The following TMEM163 variants were observed in gnomAD, a reference collection of about 807,000 sequenced individuals.
TMEM163 encodes the protein transmembrane protein 163.
In TMEM163, 17 loss-of-function variants were observed where a neutral mutation model predicts 29.3. That is an observed-to-expected ratio of 0.58 (90% confidence interval 0.40 to 0.87). TMEM163 has a LOEUF of 0.87. TMEM163 is among the 40% of genes least tolerant of loss of function. The pLI, the probability that TMEM163 is intolerant of heterozygous loss-of-function variation, is 0.00. For missense variants in TMEM163, 303 were observed against 381.5 expected (o/e 0.79, Z 1.71); for synonymous variants, 157 against 160.6 (o/e 0.98, Z 0.17).
At chr2:134,684,797 C>A (rs1684319221) in intron 2 of TMEM163, among the ~76,000 whole-genome samples, 1 of 151,850 alleles carries the variant, frequency 6.6e-6, no homozygotes, top group South Asian at 2.1e-4. Flanking sequence ...GTGGTGGGCA[C>A]CTGTAGTCCC....
chr2:134,516,629 A>T (rs1389465046), intron 4 of TMEM163, among the ~76,000 whole-genome samples: 2 of 148,194 alleles, frequency 1.3e-5, no homozygotes, highest in African/African-American at 4.9e-5. Flanking sequence ...ATATATTTTT[A>T]TATATATTCA....
chr2:134,546,974 G>C (rs1007472436), intron 4 of TMEM163, among the ~76,000 whole-genome samples: 1 of 152,108 alleles, frequency 6.6e-6, no homozygotes, highest in African/African-American at 2.4e-5. Context: ...TTTATATGAA[G>C]TATCTAAAGC....
chr2:134,506,336 G>T (rs1679823429), intron 4 of TMEM163, among the ~76,000 whole-genome samples: 1 of 152,078 alleles, frequency 6.6e-6, no homozygotes, highest in Non-Finnish European at 1.5e-5. Context: ...TTAGCGGAGG[G>T]CACGGTGCTA....
chr2:134,704,687 G>A (rs569762136), intron 2 of TMEM163, among the ~76,000 whole-genome samples: 1 of 151,974 alleles, frequency 6.6e-6, no homozygotes, highest in African/African-American at 2.4e-5. Flanking sequence ...CAGTCTCATG[G>A]TTCTGAATTC....
In TMEM163 at chr2:134,458,293, T is replaced by G. The variant is rs1484269109; in HGVS notation, c.668-120A>C. 1.3e-5 allele frequency: 16 copies of G among 1,246,472 alleles called. No individual in the cohort carries two copies. In the Admixed American group the frequency reaches 2.1e-4, roughly 17 times the overall value. The allele number at this position is 1,246,472 out of a possible 1,614,324, so 77.2% of individuals were successfully genotyped here. A position where few individuals can be genotyped will look rare whatever the true frequency, so the allele number is the denominator to read the frequency against. On this transcript the variant is annotated intron_variant, in intron 6 of 7. Coordinates refer to ENST00000281924, the MANE Select transcript of TMEM163 (RefSeq NM_030923.5). ...TGCTGGGAGGAATGATGCCCAAAGC[T>G]CTCACGAGTGATAGCCACCACCTGG...
intron 2 of TMEM163, among the ~76,000 whole-genome samples, chr2:134,581,340 A>G (rs1433815873): frequency 6.6e-6 from 1 of 152,188 alleles, no homozygotes; most frequent in African/African-American, 2.4e-5. Context: ...TATACATAAC[A>G]CAGAAACAAT....
chr2:134,711,733 C>A (rs538241600), intron 2 of TMEM163, among the ~76,000 whole-genome samples: 1 of 152,218 alleles, frequency 6.6e-6, no homozygotes, highest in Admixed American at 6.5e-5. Context: ...AAGTAACATC[C>A]AATGTAATAT....
intron 1 of TMEM163, 142 bp downstream of exon 1, chr2:134,718,592 G>C: frequency 1.9e-6 from 1 of 532,528 alleles, no homozygotes; most frequent in Non-Finnish European, 2.5e-6. Flanking sequence ...CTCGGCTAGC[G>C]GCGTTCTCGC....
intron 5 of TMEM163, chr2:134,468,490 C>A (rs115504764): frequency 1.3e-5 from 2 of 152,316 alleles, no homozygotes; most frequent in African/African-American, 4.8e-5. Flanking sequence ...AGACACATGA[C>A]CAAAGAATTG....
intron 5 of TMEM163, among the ~76,000 whole-genome samples, chr2:134,486,679 T>C (rs902060847): frequency 1.1e-4 from 17 of 152,226 alleles, no homozygotes; most frequent in African/African-American, 3.9e-4. Flanking sequence ...AAGGAATAGA[T>C]AGTTCTTACG....
chr2:134,601,206 T>C (rs1682224227), intron 2 of TMEM163, among the ~76,000 whole-genome samples: 1 of 152,200 alleles, frequency 6.6e-6, no homozygotes, highest in South Asian at 2.1e-4. Context: ...TTCTTCTGAT[T>C]TTAAAAGAAA....
chr2:134,592,424 A>C (rs1290503843), intron 2 of TMEM163, among the ~76,000 whole-genome samples: 2 of 152,136 alleles, frequency 1.3e-5, no homozygotes, highest in Non-Finnish European at 2.9e-5. Context: ...TTGGGTTAAA[A>C]TATTTTTTTT....
chr2:134,592,804 T>G lies in TMEM163; in HGVS notation c.323-40713A>C, dbSNP rs56253582. Among the ~76,000 whole-genome samples, 409 of 151,380 alleles carry G rather than the reference T, an allele frequency of 2.7e-3. 3 individuals carry two copies. Among genetic ancestry groups the G allele is most frequent in the African/African-American group, 9.3e-3 (384 of 41,214 alleles). ...ATACAGATATTAATATAGATATAGA[T>G]AGATAGACTATCTCTCCCTGTATGC... On this transcript the variant is annotated intron_variant, in intron 2 of 7. Transcript: ENST00000281924.
chr2:134,613,580 T>C (rs1055629628), intron 2 of TMEM163, among the ~76,000 whole-genome samples: 6 of 151,778 alleles, frequency 4.0e-5, no homozygotes, highest in Non-Finnish European at 7.4e-5. Flanking sequence ...ATAATGGAAA[T>C]ACAAAAGCAG....
rs1327174922 is a variant in TMEM163 at position 134,633,983 on chromosome 2, AT to A, written c.322+79216del. On this transcript the variant is annotated intron_variant, in intron 2 of 7. Transcript: ENST00000281924. ...AAAAAATACATATATATATATATAT[AT>A]ATATATATATATATATATATATATA... 1.1e-3 allele frequency among the ~76,000 whole-genome samples: 20 copies of A among 18,026 alleles called. 1 individual carries two copies. The highest frequency in any genetic ancestry group is 3.4e-3 in the Admixed American group (8 of 2,324). 11.8% of individuals were successfully genotyped at this position (18,026 alleles called of 152,430 possible). A position where few individuals can be genotyped will look rare whatever the true frequency, so the allele number is the denominator to read the frequency against.
intron 4 of TMEM163, among the ~76,000 whole-genome samples, chr2:134,506,047 G>A (rs921092523): frequency 4.6e-5 from 7 of 152,072 alleles, no homozygotes; most frequent in African/African-American, 1.7e-4. Flanking sequence ...CTCCCAACAC[G>A]TCAGCCAAAT....
intron 5 of TMEM163, among the ~76,000 whole-genome samples, chr2:134,498,625 C>G (rs1403656383): frequency 6.6e-6 from 1 of 152,170 alleles, no homozygotes; most frequent in Non-Finnish European, 1.5e-5. Flanking sequence ...AGCCACCACG[C>G]CCAGCCAGCA....
intron 4 of TMEM163, among the ~76,000 whole-genome samples, chr2:134,506,097 A>G (rs1438571111): frequency 6.6e-6 from 1 of 152,244 alleles, no homozygotes; most frequent in Non-Finnish European, 1.5e-5. Flanking sequence ...GCTCTGAAAT[A>G]TAATGAAAAT....
At chr2:134,552,144 G>T in intron 2 of TMEM163, 53 bp from the exon 3 acceptor site, 3 of 1,454,954 alleles carry the variant, frequency 2.1e-6, no homozygotes, top group East Asian at 2.4e-5. Flanking sequence ...TCTCATTTTT[G>T]AGTATATTAA....
Sources: allele counts gnomAD v4.1 joint callset (sites outside exome capture counted in the v4.1 genomes callset), GRCh38; gene constraint gnomAD v4.1.1; transcripts MANE v1.5; gene names NCBI Gene and HGNC (gene_info 2026-07-23, HGNC 2026-07-21).